Variants in ZNF362 observed in about 807,000 individuals in gnomAD.
ZNF362 encodes the protein zinc finger protein 362.
Under a neutral mutation model 42.9 loss-of-function variants are expected in ZNF362, and 11 were observed. The ratio of observed to expected loss-of-function variants is 0.26; its 90% CI spans 0.16 to 0.42. ZNF362 has a LOEUF of 0.42. Among genes scored for constraint, ZNF362 ranks in the 20% least tolerant of loss-of-function variants. The pLI, the probability that ZNF362 is intolerant of heterozygous loss-of-function variation, is 1.00. For missense variants in ZNF362, 362 were observed against 576.2 expected (o/e 0.63, Z 3.81); for synonymous variants, 255 against 257.3 (o/e 0.99, Z 0.09).
At chr1:33,189,656 T>C in the ZNF362 span, among the ~76,000 whole-genome samples, 10 of 21,254 alleles carry the variant, frequency 4.7e-4, no homozygotes, top group Admixed American at 2.6e-3. Flanking sequence ...TATATATATA[T>C]ATATATATAT....
chr1:33,248,882 C>G, the ZNF362 span, among the ~76,000 whole-genome samples: 1 of 152,234 alleles, frequency 6.6e-6, no homozygotes, highest in South Asian at 2.1e-4. Flanking sequence ...CAGGCTCTCC[C>G]ATTTTATGGA....
chr1:33,187,324 G>T, the ZNF362 span, among the ~76,000 whole-genome samples: 3 of 152,220 alleles, frequency 2.0e-5, no homozygotes, highest in Non-Finnish European at 4.4e-5. Flanking sequence ...AGGGACAATG[G>T]CAGGGCATTG....
intron 1 of ZNF362, among the ~76,000 whole-genome samples, chr1:33,263,371 C>T (rs921134193): frequency 1.3e-5 from 2 of 151,530 alleles, no homozygotes; most frequent in African/African-American, 2.4e-5. Context: ...CCTGCCCTAG[C>T]GGAGGTAGAC....
At chr1:33,254,392 A>C (rs1355443529), upstream of ZNF362, among the ~76,000 whole-genome samples, 2 of 152,214 alleles carry the variant, frequency 1.3e-5, no homozygotes, top group Non-Finnish European at 2.9e-5. Context: ...AAGTGCTGGA[A>C]TTACAGGCAT....
intron 1 of ZNF362, among the ~76,000 whole-genome samples, chr1:33,264,126 C>G (rs1353622096): frequency 1.3e-5 from 2 of 152,198 alleles, no homozygotes; most frequent in African/African-American, 4.8e-5. Flanking sequence ...TCACTGCCTG[C>G]CAGGGGTTCC....
At chr1:33,272,662 T>TG (rs1184109918) in intron 2 of ZNF362, among the ~76,000 whole-genome samples, 1 of 152,116 alleles carries the variant, frequency 6.6e-6, no homozygotes, top group East Asian at 1.9e-4. Context: ...CGGGTGGCTG[T>TG]TCTGTCTCCA....
chr1:33,231,344 G>C, the ZNF362 span, among the ~76,000 whole-genome samples: 54 of 152,304 alleles, frequency 3.5e-4, no homozygotes, highest in African/African-American at 1.3e-3. Context: ...GTTATTGCAT[G>C]ATGGCCACAT....
chr1:33,223,858 A>T, the ZNF362 span, among the ~76,000 whole-genome samples: 1 of 148,814 alleles, frequency 6.7e-6, no homozygotes, highest in East Asian at 2.0e-4. Context: ...ACGTCACTAC[A>T]CTCCAGCCTG....
intron 2 of ZNF362, 122 bp from the exon 3 acceptor site, chr1:33,275,978 G>A: frequency 9.3e-7 from 1 of 1,073,232 alleles, no homozygotes; most frequent in Admixed American, 1.9e-5. Context: ...GTGAGGCTGG[G>A]GGACCCACGG....
the ZNF362 span, among the ~76,000 whole-genome samples, chr1:33,222,693 C>T: frequency 6.6e-6 from 1 of 152,220 alleles, no homozygotes; most frequent in African/African-American, 2.4e-5. Flanking sequence ...GCATTTGCTG[C>T]TTAATCTGTC....
chr1:33,274,644 G>A (rs1196205579), intron 2 of ZNF362, among the ~76,000 whole-genome samples: 1 of 152,230 alleles, frequency 6.6e-6, no homozygotes, highest in Non-Finnish European at 1.5e-5. Flanking sequence ...CAGGCTGGGA[G>A]TGAGGGGTAA....
the ZNF362 span, among the ~76,000 whole-genome samples, chr1:33,145,166 C>T: frequency 2.0e-5 from 3 of 152,306 alleles, no homozygotes; most frequent in South Asian, 6.2e-4. Flanking sequence ...GACAGCCTTC[C>T]CTGGCTGGTA....
At chr1:33,282,244 G>C (rs1351865738) in intron 6 of ZNF362, among the ~76,000 whole-genome samples, 1 of 152,130 alleles carries the variant, frequency 6.6e-6, no homozygotes, top group Non-Finnish European at 1.5e-5. Context: ...CAATCTACTG[G>C]GAGTTCTTGA....
At position 33,258,467 on chromosome 1, in the gene ZNF362, G is replaced by A. The variant is rs548371849; in HGVS notation, c.-89+1813G>A. Among the ~76,000 whole-genome samples the A allele has an allele frequency of 2.6e-5, 4 of 152,290 alleles. No homozygotes were observed. In the Middle Eastern group the frequency reaches 0.014, roughly 518 times the overall value. Reference sequence around the variant, plus strand: ...TTGAAAGCTGGGGTTAGGGGTTCAGGGCTGTGGAACATGGCATGTCTTGGC... The same window carrying A: ...TTGAAAGCTGGGGTTAGGGGTTCAGAGCTGTGGAACATGGCATGTCTTGGC... On this transcript the variant is annotated intron_variant, in intron 1 of 8. Transcript: ENST00000539719.
the ZNF362 span, chr1:33,165,550 T>G: frequency 6.2e-7 from 1 of 1,609,386 alleles, no homozygotes; most frequent in Admixed American, 1.7e-5. The surrounding 1 kb of genome is among the most constrained non-coding windows in gnomAD (Gnocchi z 4.0). Context: ...GGCCTGAAGT[T>G]GGTCCTTCAG....
the ZNF362 span, among the ~76,000 whole-genome samples, chr1:33,240,814 A>C: frequency 1.3e-5 from 2 of 152,178 alleles, no homozygotes; most frequent in African/African-American, 4.8e-5. Flanking sequence ...CTGACATTCT[A>C]TGTGATTACC....
the ZNF362 span, among the ~76,000 whole-genome samples, chr1:33,210,293 T>C: frequency 5.9e-5 from 9 of 152,206 alleles, no homozygotes; most frequent in Admixed American, 5.2e-4. Flanking sequence ...TGAGAGACAG[T>C]TTGTTGTAAT....
chr1:33,260,770 TCTC>T (rs927639070), intron 1 of ZNF362, among the ~76,000 whole-genome samples: 12 of 152,086 alleles, frequency 7.9e-5, no homozygotes, highest in African/African-American at 2.9e-4. Flanking sequence ...AGGGCTGTCT[TCTC>T]CTTCCTCCCA....
chr1:33,267,272 A>C (rs1038819320), intron 1 of ZNF362, among the ~76,000 whole-genome samples: 1 of 152,206 alleles, frequency 6.6e-6, no homozygotes, highest in Non-Finnish European at 1.5e-5. Context: ...CAGCTGTGAC[A>C]TGGAGAAAAA....
Sources: allele counts gnomAD v4.1 joint callset (sites outside exome capture counted in the v4.1 genomes callset), GRCh38; gene constraint gnomAD v4.1.1; non-coding constraint Gnocchi (gnomAD v3.1); transcripts MANE v1.5; gene names NCBI Gene and HGNC (gene_info 2026-07-23, HGNC 2026-07-21).